SEC24B: variants seen among roughly 807,000 people sequenced by gnomAD.
The protein encoded by SEC24B is protein transport protein Sec24B.
A neutral mutation model predicts 142.8 loss-of-function variants in SEC24B; 45 were observed. The observed-to-expected ratio is 0.32, with a 90% CI of 0.25 to 0.40. The LOEUF (loss-of-function observed/expected upper bound fraction) is 0.40, where lower values mean the gene tolerates loss of function less well. Among genes scored for constraint, SEC24B ranks in the 10% least tolerant of loss-of-function variants. The pLI is 1.00. For synonymous variants in SEC24B, 574 were observed against 568.2 expected (o/e 1.01, Z -0.15); for missense variants, 1,409 against 1,526.8 (o/e 0.92, Z 1.29).
chr4:109,539,054 T>C (rs1725886369), intron 23 of SEC24B, among the ~76,000 whole-genome samples: 1 of 152,068 alleles, frequency 6.6e-6, no homozygotes, highest in African/African-American at 2.4e-5. Context: ...CTCTGCGTCC[T>C]GGATTCAAGC....
rs1224279321 is a variant in SEC24B at position 109,539,573 on chromosome 4, T to G, written c.3705T>G (p.Pro1235=). ...PILHIVKDES[P]AKAEFFQHLI... ...TTCTTTCTTCCAGAGATGAGAGTCC[T>G]GCCAAAGCAGAATTTTTTCAGCATT... The change falls in exon 24 of 24, where the codon CCT becomes CCG. Residue 1235 remains proline (P), a synonymous_variant. Transcript: ENST00000265175. 3.7e-6 allele frequency: 6 copies of G among 1,612,414 alleles called. No homozygotes were observed. The highest frequency in any genetic ancestry group is 5.1e-6 in the Non-Finnish European group (6 of 1,178,686).
At chr4:109,502,989 T>G (rs1251962797) in intron 6 of SEC24B, among the ~76,000 whole-genome samples, 3 of 152,120 alleles carry the variant, frequency 2.0e-5, no homozygotes, top group African/African-American at 7.2e-5. Flanking sequence ...GGTTTTTAAT[T>G]TTAGTGTGTT....
intron 5 of SEC24B, among the ~76,000 whole-genome samples, chr4:109,493,785 C>T (rs1056084230): frequency 1.2e-4 from 18 of 151,914 alleles, no homozygotes; most frequent in African/African-American, 3.9e-4. Flanking sequence ...TTAGTAGAGA[C>T]GGGGTTTTAC....
rs763242411 is a variant in SEC24B, at chr4:109,520,495, A to G, written c.2245+11A>G. The G allele has an allele frequency of 6.6e-7, 1 of 1,512,312 alleles. No individual in the cohort carries two copies. Among genetic ancestry groups the G allele is most frequent in the Non-Finnish European group, 9.2e-7 (1 of 1,091,380 alleles). 93.7% of individuals were successfully genotyped at this position (1,512,312 alleles called of 1,614,324 possible). On this transcript the variant is annotated intron_variant, in intron 12 of 23. Transcript: ENST00000265175. ...TGTCTGATATAGATGGTAAGCAGTC[A>G]GTAAAATAAAAGCCTTTCTAACTAC... is the stretch of plus-strand genomic sequence containing the variant.
intron 10 of SEC24B, among the ~76,000 whole-genome samples, chr4:109,515,826 C>T (rs1722787798): frequency 6.6e-6 from 1 of 151,958 alleles, no homozygotes; most frequent in South Asian, 2.1e-4. Flanking sequence ...GATCAAGTGA[C>T]ATCAGGAGTT....
In SEC24B at chr4:109,524,823, A is replaced by T; in HGVS notation, c.2514A>T (p.Val838=). 1 of 1,611,418 alleles carries T rather than the reference A, an allele frequency of 6.2e-7. No individual in the cohort carries two copies. The highest frequency in any genetic ancestry group is 1.1e-5 in the South Asian group (1 of 90,622). The part of the protein sequence containing the change: ...DPNQRSSTKV[V]QHLGPATDFY... Reference sequence around the variant, plus strand: ...TATATGATCTGTTGACTTAGGTGGTACAACATCTTGGCCCTGCAACTGATT... The same window carrying T: ...TATATGATCTGTTGACTTAGGTGGTTCAACATCTTGGCCCTGCAACTGATT... Residue 838 remains valine (V), a synonymous_variant, in exon 15 of 24, where the codon GTA becomes GTT. Coordinates refer to ENST00000265175, the MANE Select transcript of SEC24B (RefSeq NM_006323.5).
chr4:109,526,514 G>T, intron 17 of SEC24B, 115 bp downstream of exon 17: 1 of 679,392 alleles, frequency 1.5e-6, no homozygotes, highest in South Asian at 2.7e-5. Flanking sequence ...AATGGAATTT[G>T]TATTAGTTAA....
chr4:109,471,291 G>T (rs1262751498), intron 2 of SEC24B, among the ~76,000 whole-genome samples: 3 of 151,664 alleles, frequency 2.0e-5, no homozygotes, highest in Non-Finnish European at 4.4e-5. Flanking sequence ...CCACAGATGC[G>T]CACCACCATG....
intron 17 of SEC24B, among the ~76,000 whole-genome samples, chr4:109,526,636 A>G (rs1724258237): frequency 6.6e-6 from 1 of 152,206 alleles, no homozygotes; most frequent in Non-Finnish European, 1.5e-5. Flanking sequence ...TTGTTTCAAA[A>G]CAGTTCATGC....
chr4:109,512,428 G>C (rs961478551), intron 9 of SEC24B, among the ~76,000 whole-genome samples: 2 of 152,192 alleles, frequency 1.3e-5, no homozygotes, highest in Non-Finnish European at 2.9e-5. Context: ...CTTTGCCAGT[G>C]TATCTGGATG....
At chr4:109,468,688 A>T (rs1732211092) in intron 2 of SEC24B, among the ~76,000 whole-genome samples, 1 of 152,174 alleles carries the variant, frequency 6.6e-6, no homozygotes. Flanking sequence ...AAGGATGATA[A>T]CTTGGGCTGG....
At chr4:109,462,532 C>T (rs1411507256) in intron 1 of SEC24B, among the ~76,000 whole-genome samples, 1 of 152,180 alleles carries the variant, frequency 6.6e-6, no homozygotes, top group Non-Finnish European at 1.5e-5. Context: ...TGGGCTTCTT[C>T]ATAGGGCTGT....
chr4:109,460,437 A>G (rs1731135504), intron 1 of SEC24B, among the ~76,000 whole-genome samples: 1 of 152,154 alleles, frequency 6.6e-6, no homozygotes, highest in African/African-American at 2.4e-5. Context: ...TCCACAAGAC[A>G]GAAAAATTAG....
chr4:109,503,523 C>G (rs568986129), intron 6 of SEC24B, among the ~76,000 whole-genome samples: 2 of 152,224 alleles, frequency 1.3e-5, no homozygotes, highest in African/African-American at 4.8e-5. Flanking sequence ...TGTGCCCCGC[C>G]TAATTTTTGT....
At chr4:109,487,146 C>T (rs1435951912) in intron 4 of SEC24B, among the ~76,000 whole-genome samples, 2 of 114,626 alleles carry the variant, frequency 1.7e-5, no homozygotes, top group East Asian at 2.5e-4. Context: ...GCCTGAGTGA[C>T]AAGAGTGAGA....
chr4:109,453,661 T>C (rs543885560), intron 1 of SEC24B, among the ~76,000 whole-genome samples: 1 of 152,242 alleles, frequency 6.6e-6, no homozygotes, highest in Non-Finnish European at 1.5e-5. Flanking sequence ...TAAACACATA[T>C]GCTCTACAAA....
chr4:109,526,493 C>A, intron 17 of SEC24B, 94 bp downstream of exon 17: 1 of 839,862 alleles, frequency 1.2e-6, no homozygotes, highest in Non-Finnish European at 1.8e-6. Context: ...AATGAATACA[C>A]AGTGGGAAGT....
intron 14 of SEC24B, among the ~76,000 whole-genome samples, chr4:109,523,590 T>C (rs943070559): frequency 2.6e-5 from 4 of 152,188 alleles, no homozygotes; most frequent in Non-Finnish European, 5.9e-5. Flanking sequence ...AAATAATAAA[T>C]GAACAAAAAT....
chr4:109,491,849 A>G (rs1735051711), intron 5 of SEC24B, among the ~76,000 whole-genome samples: 1 of 152,132 alleles, frequency 6.6e-6, no homozygotes, highest in Non-Finnish European at 1.5e-5. Context: ...ACTTGGGGGT[A>G]GGTTTTGGAG....
Sources: allele counts gnomAD v4.1 joint callset (sites outside exome capture counted in the v4.1 genomes callset), GRCh38; gene constraint gnomAD v4.1.1; transcripts MANE v1.5; gene names NCBI Gene and HGNC (gene_info 2026-07-23, HGNC 2026-07-21).